Variants in MBNL1 observed in about 807,000 individuals in gnomAD.
MBNL1 encodes the protein muscleblind-like protein 1.
In MBNL1, 8 loss-of-function variants were observed where a neutral mutation model predicts 42.2. The ratio of observed to expected loss-of-function variants is 0.19; its 90% CI spans 0.11 to 0.34. The LOEUF (loss-of-function observed/expected upper bound fraction) is 0.34. MBNL1 is among the 10% of genes least tolerant of loss of function. MBNL1 has a pLI of 1.00. For synonymous variants in MBNL1, 169 were observed against 173.9 expected (o/e 0.97, Z 0.22); for missense variants, 309 against 495.3 (o/e 0.62, Z 3.57).
At chr3:152,441,525 A>G (rs1469777097) in intron 4 of MBNL1, among the ~76,000 whole-genome samples, 1 of 152,186 alleles carries the variant, frequency 6.6e-6, no homozygotes, top group Non-Finnish European at 1.5e-5. Flanking sequence ...TATTATTGCT[A>G]TTTAGTTAAC....
intron 1 of MBNL1, among the ~76,000 whole-genome samples, chr3:152,276,370 A>G (rs2150099673): frequency 6.6e-6 from 1 of 152,344 alleles, no homozygotes; most frequent in South Asian, 2.1e-4. Flanking sequence ...GGGGAACTGA[A>G]GCACAGACAA....
intron 1 of MBNL1, among the ~76,000 whole-genome samples, chr3:152,295,834 C>G (rs1393156213): frequency 6.6e-6 from 1 of 152,166 alleles, no homozygotes; most frequent in Non-Finnish European, 1.5e-5. Flanking sequence ...TGTCTTGGCA[C>G]CTGCCAAGAA....
chr3:152,399,137 A>G (rs189401233), intron 2 of MBNL1, among the ~76,000 whole-genome samples: 1 of 152,192 alleles, frequency 6.6e-6, no homozygotes, highest in East Asian at 1.9e-4. Flanking sequence ...TTGTGTTTCC[A>G]CTGTCCCATA....
At chr3:152,352,551 T>C (rs1266950319) in intron 2 of MBNL1, among the ~76,000 whole-genome samples, 1 of 152,150 alleles carries the variant, frequency 6.6e-6, no homozygotes, top group Non-Finnish European at 1.5e-5. Context: ...AATTTTCTTT[T>C]CATAAAAATT....
At chr3:152,358,551 C>T (rs2095692627) in intron 2 of MBNL1, among the ~76,000 whole-genome samples, 2 of 151,986 alleles carry the variant, frequency 1.3e-5, no homozygotes, top group Non-Finnish European at 1.5e-5. Context: ...ATTTCCTTTG[C>T]TGTTAAGGAG....
intron 1 of MBNL1, among the ~76,000 whole-genome samples, chr3:152,286,404 AT>A (rs1396615521): frequency 7.3e-6 from 1 of 136,922 alleles, no homozygotes; most frequent in Non-Finnish European, 1.6e-5. Context: ...TATTTATAAT[AT>A]AAATATTTAT....
chr3:152,258,399 G>T (rs2035746556), intron 2 of MBNL1, among the ~76,000 whole-genome samples: 1 of 152,138 alleles, frequency 6.6e-6, no homozygotes, highest in African/African-American at 2.4e-5. Context: ...AGATTCTAAA[G>T]CCTGTCTTTA....
At chr3:152,319,614 GTTTTTTT>G (rs202070328) in intron 2 of MBNL1, among the ~76,000 whole-genome samples, 29,462 of 81,428 alleles carry the variant, frequency 0.36, 3,296 homozygotes, top group East Asian at 0.56. Context: ...GTTCTATACT[GTTTTTTT>G]TTTTTTTTTT....
chr3:152,401,827 C>T (rs1291888624), intron 2 of MBNL1, among the ~76,000 whole-genome samples: 1 of 151,896 alleles, frequency 6.6e-6, no homozygotes, highest in African/African-American at 2.4e-5. Flanking sequence ...AGATCGAGAC[C>T]ATCCTGGCTA....
chr3:152,245,781 A>C (rs1244451331), intron 2 of MBNL1, among the ~76,000 whole-genome samples: 1 of 152,202 alleles, frequency 6.6e-6, no homozygotes, highest in Non-Finnish European at 1.5e-5. Flanking sequence ...GGAGAAGGAA[A>C]GCAGAGTGTT....
At position 152,294,343 on chromosome 3, in the gene MBNL1, G is replaced by C. The variant is rs186012370; in HGVS notation, c.-789-5062G>C. On this transcript the variant is annotated intron_variant, in intron 1 of 9. Coordinates refer to ENST00000324210, the MANE Select transcript of MBNL1 (RefSeq NM_021038.5). ...CGGTCACCCAGGCTGGAGTGCAGTG[G>C]TGTGATCTCGGCTCACTGCAAGCTC... is the stretch of plus-strand genomic sequence containing the variant. Among the ~76,000 whole-genome samples the C allele has an allele frequency of 1.6e-3, 233 of 149,828 alleles. 1 individual carries two copies. The highest frequency in any genetic ancestry group is 5.3e-3 in the African/African-American group (215 of 40,592).
At chr3:152,310,074 G>A (rs1229430244) in intron 2 of MBNL1, among the ~76,000 whole-genome samples, 4 of 152,168 alleles carry the variant, frequency 2.6e-5, no homozygotes, top group African/African-American at 7.2e-5. Context: ...TTTGGAAACC[G>A]CTGCATAGTC....
chr3:152,287,164 G>A (rs1040199992), intron 1 of MBNL1, among the ~76,000 whole-genome samples: 16 of 149,574 alleles, frequency 1.1e-4, no homozygotes, highest in African/African-American at 1.5e-4. Context: ...GCAGTGAGCC[G>A]AGATCACACC....
At chr3:152,262,416 G>C (rs1327969741) in intron 2 of MBNL1, among the ~76,000 whole-genome samples, 1 of 152,118 alleles carries the variant, frequency 6.6e-6, no homozygotes, top group African/African-American at 2.4e-5. Flanking sequence ...AATAAGAGGA[G>C]CTAACAAAAG....
intron 4 of MBNL1, among the ~76,000 whole-genome samples, chr3:152,441,239 A>G (rs1397176985): frequency 2.0e-5 from 3 of 152,178 alleles, no homozygotes; most frequent in Admixed American, 2.0e-4. Flanking sequence ...ACTTGAGAGC[A>G]TTGCTGAGTT....
In MBNL1 at chr3:152,407,209, CT is replaced by C. The variant is rs60509782; in HGVS notation, c.175-7706del. ...GGGATTATATCAGTGGAAATATGTT[CT>C]TTTTTTTTTTTTTTTTTTTTTTTTT... On this transcript the variant is annotated intron_variant, in intron 2 of 9. Coordinates refer to ENST00000324210, the MANE Select transcript of MBNL1 (RefSeq NM_021038.5). Among the ~76,000 whole-genome samples the C allele has an allele frequency of 5.5e-3, 301 of 54,340 alleles. 4 individuals carry two copies. The highest frequency in any genetic ancestry group is 0.012 in the South Asian group (23 of 1,950). The allele number at this position is 54,340 out of a possible 152,430, so 35.6% of individuals were successfully genotyped here. A position where few individuals can be genotyped will look rare whatever the true frequency, so the allele number is the denominator to read the frequency against.
At chr3:152,268,694 G>C (rs1427241396), upstream of MBNL1, 1 of 444,110 alleles carries the variant, frequency 2.3e-6, no homozygotes, top group Non-Finnish European at 4.5e-6. Context: ...CTGGGCGACC[G>C]CCCATGACCC....
chr3:152,311,591 T>G (rs551443409), intron 2 of MBNL1, among the ~76,000 whole-genome samples: 2 of 152,302 alleles, frequency 1.3e-5, no homozygotes, highest in South Asian at 4.1e-4. Flanking sequence ...TTTAATTTTT[T>G]GTTTATTTGT....
At chr3:152,331,269 G>GA (rs2084343656) in intron 2 of MBNL1, among the ~76,000 whole-genome samples, 1 of 151,940 alleles carries the variant, frequency 6.6e-6, no homozygotes, top group Admixed American at 6.6e-5. Context: ...CCAAACTACA[G>GA]AAAAAAACCT....
Sources: gnomAD v4.1 joint callset for allele counts (sites outside exome capture counted in the v4.1 genomes callset) on GRCh38, gnomAD v4.1.1 for gene constraint, MANE v1.5 for transcripts, NCBI Gene and HGNC (gene_info 2026-07-23, HGNC 2026-07-21) for gene names.